CDC40: variants seen among roughly 807,000 people sequenced by gnomAD.
CDC40 encodes the protein cell division cycle 40.
CDC40 carries 27 observed loss-of-function variants against 80.6 expected under a neutral mutation model. That is an observed-to-expected ratio of 0.33 (90% confidence interval 0.25 to 0.46). The LOEUF (loss-of-function observed/expected upper bound fraction) is 0.46, where lower values mean the gene tolerates loss of function less well. CDC40 is among the 20% of genes least tolerant of loss of function. The probability of loss-of-function intolerance (pLI) is 1.00; values close to 1 mark genes in which losing one functional copy is unlikely to be tolerated. For synonymous variants in CDC40, 221 were observed against 232.6 expected (o/e 0.95, Z 0.45); for missense variants, 486 against 694.1 (o/e 0.70, Z 3.37).
chr6:110,213,374 GTTTTTGTTTTTTGTT>G (rs1777660679), intron 8 of CDC40, among the ~76,000 whole-genome samples: 1 of 149,408 alleles, frequency 6.7e-6, no homozygotes, highest in Admixed American at 6.6e-5. Context: ...TTTTGTTGTT[GTTTTTGTTTTTTGTT>G]TTTTTGTTTT....
chr6:110,181,500 T>C (rs1441255079), intron 1 of CDC40, among the ~76,000 whole-genome samples: 1 of 152,228 alleles, frequency 6.6e-6, no homozygotes, highest in East Asian at 1.9e-4. Flanking sequence ...TTGTATCATG[T>C]CCCCAAGTCT....
At chr6:110,220,541 T>C (rs1447309171) in intron 12 of CDC40, among the ~76,000 whole-genome samples, 3 of 149,828 alleles carry the variant, frequency 2.0e-5, no homozygotes, top group East Asian at 2.0e-4. Context: ...GCCTCCCGGG[T>C]TCACGCCATT....
chr6:110,210,794 A>G lies in CDC40; in HGVS notation c.718A>G (p.Ile240Val), dbSNP rs759857434. 7 of 1,539,044 alleles carry G rather than the reference A, an allele frequency of 4.5e-6. No homozygotes were observed. The African/African-American group carries it at 8.4e-5, about 19-fold the overall frequency. The part of the protein sequence containing the change: ...EEEKPGEEKT[I>V]LHVKEMYDYQ... ...AGAGAAACCTGGGGAGGAGAAGACA[A>G]TCTTACATGGTAACATATTTTTTGT... is the stretch of plus-strand genomic sequence containing the variant. The change falls in exon 6 of 15, where the codon ATC (isoleucine) becomes GTC (valine). Residue 240 changes from isoleucine (I) to valine (V), a missense_variant. Physicochemically the swap from Ile to Val is conservative, Grantham distance 29 (BLOSUM62 3). This residue lies in a region of CDC40 where 381 missense variants were observed against 492.1 expected (regional missense o/e 0.77). Transcript: ENST00000307731.
rs1244226490 is a variant in CDC40, at chr6:110,219,746, G to A, written c.1217G>A (p.Arg406Gln). 5.6e-6 allele frequency: 9 copies of A among 1,613,884 alleles called. No individual in the cohort carries two copies. Among genetic ancestry groups the A allele is most frequent in the East Asian group, 2.2e-5 (1 of 44,858 alleles). ...SDKKIVQWDIRSGEIVQEYDR... is the reference protein window; with the variant it reads ...SDKKIVQWDIQSGEIVQEYDR... ...TTGCCTGATACACAGTGGGACATTC[G>A]AAGTGGAGAAATTGTGCAGGAATAT... Residue 406 changes from arginine to glutamine, a missense_variant, in exon 12 of 15, where the codon CGA (arginine) becomes CAA (glutamine). By Grantham distance (43) the Arg-to-Gln change is conservative (BLOSUM62 1). Transcript: ENST00000307731.
intron 12 of CDC40, among the ~76,000 whole-genome samples, chr6:110,223,494 G>A (rs868408345): frequency 6.6e-6 from 1 of 152,082 alleles, no homozygotes; most frequent in African/African-American, 2.4e-5. Context: ...CAGGATCCCC[G>A]GAACTGTGCT....
At position 110,231,015 on chromosome 6, in the gene CDC40, G is replaced by A. The variant is rs1777929742; in HGVS notation, c.*884G>A. Reference sequence around the variant, plus strand: ...GATGTCAACTTGTAATTTCTTTGAAGTCATATGTTTTATCTTTAAAATTAT... The same window carrying A: ...GATGTCAACTTGTAATTTCTTTGAAATCATATGTTTTATCTTTAAAATTAT... On this transcript the variant is annotated 3_prime_UTR_variant, in exon 15 of 15. Coordinates refer to ENST00000307731, the MANE Select transcript of CDC40 (RefSeq NM_015891.3). The A allele has an allele frequency of 1.3e-5, 2 of 152,124 alleles. No homozygotes were observed. Among genetic ancestry groups the A allele is most frequent in the African/African-American group, 4.8e-5 (2 of 41,436 alleles). The allele number at this position is 152,124 out of a possible 1,614,324, so 9.4% of individuals were successfully genotyped here.
chr6:110,217,597 G>C, intron 9 of CDC40, 105 bp from the exon 10 acceptor site: 1 of 682,764 alleles, frequency 1.5e-6, no homozygotes, highest in Non-Finnish European at 2.7e-6. Context: ...ACTCACAGCT[G>C]AGAACCACTG....
chr6:110,186,506 A>AC (rs200611450), intron 1 of CDC40, among the ~76,000 whole-genome samples: 5,845 of 152,056 alleles, frequency 0.038, 125 homozygotes, highest in East Asian at 0.11. Flanking sequence ...ATAAATAAAT[A>AC]AATACATAAA....
At chr6:110,209,273 A>T in intron 5 of CDC40, 50 bp downstream of exon 5, 1 of 1,503,344 alleles carries the variant, frequency 6.7e-7, no homozygotes, top group Non-Finnish European at 9.2e-7. Flanking sequence ...CTGTATCTCT[A>T]TGAAGGATAT....
Position 110,230,624 on chromosome 6 carries a change from T to A in CDC40, c.*493T>A, listed in dbSNP as rs907689461. On this transcript the variant is annotated 3_prime_UTR_variant, in exon 15 of 15. Coordinates refer to ENST00000307731, the MANE Select transcript of CDC40 (RefSeq NM_015891.3). ...TTTCACTGGGTCAAGTTTTAATCTT[T>A]TGGCTTCATGAGTTCCACTCCCTTT... 1 of 152,540 alleles carries A rather than the reference T, an allele frequency of 6.6e-6. No individual in the cohort carries two copies. Among genetic ancestry groups the A allele is most frequent in the African/African-American group, 2.5e-5 (1 of 40,816 alleles). The allele number at this position is 152,540 out of a possible 1,614,324, so 9.4% of individuals were successfully genotyped here.
chr6:110,210,551 A>AG (rs1172321204), intron 5 of CDC40, among the ~76,000 whole-genome samples, 156 bp from the exon 6 acceptor site: 1 of 135,272 alleles, frequency 7.4e-6, no homozygotes, highest in Admixed American at 7.3e-5. Flanking sequence ...GACTCATCTC[A>AG]GAAAAAAAAA....
In CDC40 at chr6:110,212,217, C is replaced by T; in HGVS notation, c.812C>T (p.Pro271Leu). Residue 271 changes from proline (P) to leucine (L), a missense_variant, in exon 7 of 15, where the codon CCT becomes CTT. Coordinates refer to ENST00000307731, the MANE Select transcript of CDC40 (RefSeq NM_015891.3). Reference sequence around the variant, plus strand: ...GTTAATCTACGGTCAACTATGCCACCTGAGAAGTGTTATCTTCCCAAAAAA... The same window carrying T: ...GTTAATCTACGGTCAACTATGCCACTTGAGAAGTGTTATCTTCCCAAAAAA... ...VGVNLRSTMP[P>L]EKCYLPKKQI... The T allele has an allele frequency of 6.2e-7, 1 of 1,613,858 alleles. No homozygotes were observed. The highest frequency in any genetic ancestry group is 1.1e-5 in the South Asian group (1 of 91,068).
chr6:110,209,371 AATTT>A (rs1275970184), intron 5 of CDC40, 148 bp downstream of exon 5: 1 of 547,412 alleles, frequency 1.8e-6, no homozygotes, highest in African/African-American at 1.9e-5. Context: ...TATACAATAA[AATTT>A]ATTTGTTTTT....
At chr6:110,213,790 A>C (rs530893963) in intron 8 of CDC40, among the ~76,000 whole-genome samples, 1 of 152,310 alleles carries the variant, frequency 6.6e-6, no homozygotes, top group East Asian at 1.9e-4. Context: ...GACTGCTCCC[A>C]GCCCCTTCTT....
intron 12 of CDC40, among the ~76,000 whole-genome samples, chr6:110,225,602 C>T (rs1584085421): frequency 6.6e-6 from 1 of 152,314 alleles, no homozygotes; most frequent in East Asian, 1.9e-4. Context: ...ATCCCTACAG[C>T]TTTGCCTGCC....
At chr6:110,184,463 TG>T (rs545039047) in intron 1 of CDC40, among the ~76,000 whole-genome samples, 20 of 152,038 alleles carry the variant, frequency 1.3e-4, no homozygotes, top group African/African-American at 4.8e-4. Flanking sequence ...TATTTCTCGG[TG>T]GATCTTATTT....
chr6:110,210,552 GA>G (rs57785109), intron 5 of CDC40, among the ~76,000 whole-genome samples, 154 bp from the exon 6 acceptor site: 9,316 of 64,418 alleles, frequency 0.14, 384 homozygotes, highest in African/African-American at 0.25. Context: ...ACTCATCTCA[GA>G]AAAAAAAAAA....
intron 1 of CDC40, among the ~76,000 whole-genome samples, chr6:110,186,549 A>G (rs1236531120): frequency 6.6e-6 from 1 of 152,064 alleles, no homozygotes; most frequent in Non-Finnish European, 1.5e-5. Context: ...CTCGAAGGAT[A>G]TTTTCACTGG....
At chr6:110,205,353 TAGTG>T (rs1332063932) in intron 3 of CDC40, among the ~76,000 whole-genome samples, 1 of 152,210 alleles carries the variant, frequency 6.6e-6, no homozygotes, top group African/African-American at 2.4e-5. Context: ...AGACACAAGA[TAGTG>T]AGAAAACAAA....
Sources: allele counts gnomAD v4.1 joint callset (sites outside exome capture counted in the v4.1 genomes callset), GRCh38; gene constraint gnomAD v4.1.1; regional missense constraint gnomAD v4.1.1; transcripts MANE v1.5; gene names NCBI Gene and HGNC (gene_info 2026-07-23, HGNC 2026-07-21).